Variants in KAZN observed in about 807,000 individuals in gnomAD.
KAZN encodes kazrin, periplakin interacting protein.
A neutral mutation model predicts 87.4 loss-of-function variants in KAZN; 40 were observed. The ratio of observed to expected loss-of-function variants is 0.46; its 90% CI spans 0.36 to 0.60. The LOEUF (loss-of-function observed/expected upper bound fraction) is 0.60. Among genes scored for constraint, KAZN ranks in the 20% least tolerant of loss-of-function variants. The probability of loss-of-function intolerance (pLI) is 0.00; values close to 1 mark genes in which losing one functional copy is unlikely to be tolerated. For missense variants in KAZN, 898 were observed against 1,073.9 expected, an observed-to-expected ratio of 0.84 and a Z score of 2.29; for synonymous variants, 466 against 458.3, an observed-to-expected ratio of 1.02 and a Z score of -0.22.
intron 2 of KAZN, among the ~76,000 whole-genome samples, chr1:14,407,320 T>C (rs1663936515): frequency 6.6e-6 from 1 of 152,184 alleles, no homozygotes; most frequent in African/African-American, 2.4e-5. Flanking sequence ...TGAGCTAAAT[T>C]ATGTCCCAAA....
intron 2 of KAZN, among the ~76,000 whole-genome samples, chr1:14,335,418 G>T (rs550823887): frequency 1.6e-4 from 25 of 152,090 alleles, no homozygotes; most frequent in African/African-American, 6.0e-4. Context: ...GGTCAAGCCG[G>T]TCTCAAACTC....
chr1:15,042,578 A>G (rs1673030998), intron 3 of KAZN, among the ~76,000 whole-genome samples: 1 of 152,142 alleles, frequency 6.6e-6, no homozygotes, highest in Non-Finnish European at 1.5e-5. Context: ...CAAACGCCCC[A>G]AAGTATATGT....
intron 1 of KAZN, among the ~76,000 whole-genome samples, chr1:14,749,271 T>C (rs6429677): frequency 0.43 from 65,134 of 152,078 alleles, 14,334 homozygotes; most frequent in African/African-American, 0.5. Context: ...GAGTTGAAAC[T>C]AATTTGATGT....
chr1:14,098,762 G>C (rs1644184184), intron 1 of KAZN, among the ~76,000 whole-genome samples: 1 of 152,174 alleles, frequency 6.6e-6, no homozygotes, highest in Non-Finnish European at 1.5e-5. Flanking sequence ...TTCCAACCCT[G>C]TGTGGCTGCC....
At chr1:14,685,668 TA>T (rs1210276176) in intron 1 of KAZN, among the ~76,000 whole-genome samples, 1 of 152,212 alleles carries the variant, frequency 6.6e-6, no homozygotes, top group Admixed American at 6.5e-5. Context: ...TTAATGAAAC[TA>T]AGGTGAAAAC....
intron 1 of KAZN, among the ~76,000 whole-genome samples, chr1:14,865,690 C>G (rs943186009): frequency 6.6e-6 from 1 of 152,194 alleles, no homozygotes; most frequent in African/African-American, 2.4e-5. Flanking sequence ...GCCCTCATCC[C>G]AAATTCATGT....
At chr1:14,267,647 C>T (rs1307675000) in intron 2 of KAZN, among the ~76,000 whole-genome samples, 2 of 152,112 alleles carry the variant, frequency 1.3e-5, no homozygotes, top group African/African-American at 2.4e-5. Context: ...TATGTAACCA[C>T]GACTAAAAGA....
intron 2 of KAZN, among the ~76,000 whole-genome samples, chr1:14,432,026 A>T (rs751456705): frequency 2.6e-5 from 4 of 152,160 alleles, no homozygotes; most frequent in Non-Finnish European, 5.9e-5. Flanking sequence ...ATAGGAACCA[A>T]ACATGGTGTG....
At chr1:14,930,205 G>T (rs1356501959) in intron 1 of KAZN, among the ~76,000 whole-genome samples, 2 of 152,204 alleles carry the variant, frequency 1.3e-5, no homozygotes, top group Non-Finnish European at 2.9e-5. Flanking sequence ...CACCAGGTGG[G>T]TAATCTGCCG....
intron 1 of KAZN, among the ~76,000 whole-genome samples, chr1:14,087,803 A>G (rs564018564): frequency 1.3e-5 from 2 of 152,032 alleles, no homozygotes; most frequent in African/African-American, 4.8e-5. Context: ...ACATCAACCC[A>G]GCTGGTCATG....
At chr1:14,086,278 A>G (rs1643851720) in intron 1 of KAZN, among the ~76,000 whole-genome samples, 1 of 152,162 alleles carries the variant, frequency 6.6e-6, no homozygotes. Flanking sequence ...GGTGGTTTGC[A>G]TTACCTATGA....
intron 1 of KAZN, among the ~76,000 whole-genome samples, chr1:13,922,171 T>G (rs1640093226): frequency 6.6e-6 from 1 of 152,188 alleles, no homozygotes. Context: ...TCTGTAGTGC[T>G]TTGGGGAAAA....
At chr1:15,007,199 A>G (rs138683968) in intron 2 of KAZN, among the ~76,000 whole-genome samples, 204 of 152,268 alleles carry the variant, frequency 1.3e-3, no homozygotes, top group African/African-American at 4.8e-3. Context: ...ACACTCATGT[A>G]ACCTTTGGCA....
intron 1 of KAZN, among the ~76,000 whole-genome samples, chr1:14,913,309 T>G (rs557475251): frequency 1.3e-5 from 2 of 152,298 alleles, no homozygotes; most frequent in South Asian, 2.1e-4. Context: ...GGTCAAGTCT[T>G]TAAAAACAAA....
intron 1 of KAZN, among the ~76,000 whole-genome samples, chr1:14,039,401 G>A (rs1165600004): frequency 6.6e-6 from 1 of 152,168 alleles, no homozygotes; most frequent in Non-Finnish European, 1.5e-5. Flanking sequence ...AAATTGTCAA[G>A]TGCTGTATCG....
chr1:14,692,328 G>T, intron 1 of KAZN: 1 of 453,294 alleles, frequency 2.2e-6, no homozygotes, highest in Non-Finnish European at 3.8e-6. Context: ...ACCATCTTCG[G>T]CTCTCATTTT....
At chr1:14,125,381 G>C (rs909252731) in intron 1 of KAZN, among the ~76,000 whole-genome samples, 2 of 152,208 alleles carry the variant, frequency 1.3e-5, no homozygotes, top group Admixed American at 1.3e-4. Flanking sequence ...AACTGTGATG[G>C]TGACCTTGAT....
intron 14 of KAZN, 59 bp downstream of exon 14, chr1:15,112,600 C>T: frequency 5.2e-6 from 2 of 385,482 alleles, no homozygotes; most frequent in Non-Finnish European, 8.0e-6. Flanking sequence ...GTCTTTTTTT[C>T]TCCTCCCGGG....
At chr1:14,704,258 C>A (rs1289778370) in intron 1 of KAZN, among the ~76,000 whole-genome samples, 1 of 152,188 alleles carries the variant, frequency 6.6e-6, no homozygotes, top group Admixed American at 6.5e-5. Flanking sequence ...GTTACCCAAC[C>A]ATAAGGATCC....
Sources: gnomAD v4.1 joint callset for allele counts (sites outside exome capture counted in the v4.1 genomes callset) on GRCh38, gnomAD v4.1.1 for gene constraint, MANE v1.5 for transcripts, NCBI Gene and HGNC (gene_info 2026-07-23, HGNC 2026-07-21) for gene names.